Variants in NLGN1 observed in about 807,000 individuals in gnomAD.
The protein encoded by NLGN1 is neuroligin-1.
A neutral mutation model predicts 65.5 loss-of-function variants in NLGN1; 12 were observed. That is an observed-to-expected ratio of 0.18 (90% CI 0.12 to 0.30). The LOEUF (loss-of-function observed/expected upper bound fraction) is 0.30. NLGN1 is among the 10% of genes least tolerant of loss of function. The probability of loss-of-function intolerance (pLI) is 1.00; values close to 1 mark genes in which losing one functional copy is unlikely to be tolerated. For synonymous variants in NLGN1, 350 were observed against 359.5 expected (o/e 0.97, Z 0.30); for missense variants, 750 against 1,007.1 (o/e 0.74, Z 3.46).
intron 4 of NLGN1, among the ~76,000 whole-genome samples, chr3:173,990,638 T>C (rs1720895155): frequency 6.6e-6 from 1 of 152,158 alleles, no homozygotes; most frequent in Non-Finnish European, 1.5e-5. Flanking sequence ...TCCATAATTA[T>C]AATGGCAGTT....
intron 4 of NLGN1, among the ~76,000 whole-genome samples, chr3:173,834,111 A>G (rs772727355): frequency 2.6e-5 from 4 of 152,178 alleles, no homozygotes; most frequent in East Asian, 1.9e-4. Flanking sequence ...GGTAGGCCCA[A>G]TGTCATTCAT....
At chr3:173,802,371 T>C (rs76084525) in intron 3 of NLGN1, among the ~76,000 whole-genome samples, 4,546 of 152,250 alleles carry the variant, frequency 0.03, 161 homozygotes, top group East Asian at 0.18. Context: ...CAAGAGTTAT[T>C]GAATCAATAA....
Position 173,766,088 on chromosome 3 carries a change from C to CTT in NLGN1, c.494-41577_494-41576dup, listed in dbSNP as rs34830188. On this transcript the variant is annotated intron_variant, in intron 3 of 6. Transcript: ENST00000457714. ...TAGAATCTTCCTTATTATGTTTTGT[C>CTT]TTTTTTTTTTTTTTTTCTGAGACAG... 3.2e-3 allele frequency among the ~76,000 whole-genome samples: 437 copies of CTT among 135,852 alleles called. 8 individuals carry two copies. Among genetic ancestry groups the CTT allele is most frequent in the African/African-American group, 0.01 (390 of 37,180 alleles). The allele number at this position is 135,852 out of a possible 152,430, so 89.1% of individuals were successfully genotyped here. A position where few individuals can be genotyped will look rare whatever the true frequency, so the allele number is the denominator to read the frequency against.
intron 4 of NLGN1, among the ~76,000 whole-genome samples, chr3:174,238,920 C>A (rs776114480): frequency 9.2e-5 from 14 of 152,128 alleles, no homozygotes; most frequent in Admixed American, 7.2e-4. Flanking sequence ...GTCATCTACA[C>A]TGATTATATG....
intron 3 of NLGN1, among the ~76,000 whole-genome samples, chr3:173,667,891 A>G (rs1761934730): frequency 6.6e-6 from 1 of 152,152 alleles, no homozygotes; most frequent in Non-Finnish European, 1.5e-5. Context: ...TTGGTTTCCC[A>G]AAGTGCTGGG....
At position 173,893,007 on chromosome 3, in the gene NLGN1, G is replaced by A. The variant is rs1310669220; in HGVS notation, c.646+85175G>A. On this transcript the variant is annotated intron_variant, in intron 4 of 6. Transcript: ENST00000457714. ...CTGAGCCCTTGCCTCTTGTATACCT[G>A]CTAATTACATTAATATTTGAGCCAG... is the stretch of plus-strand genomic sequence containing the variant. Among the ~76,000 whole-genome samples the A allele has an allele frequency of 3.9e-5, 6 of 151,986 alleles. No homozygotes were observed. The South Asian group carries it at 1.0e-3, about 26-fold the overall frequency.
chr3:173,753,479 G>T (rs971589930), intron 3 of NLGN1, among the ~76,000 whole-genome samples: 4 of 152,028 alleles, frequency 2.6e-5, no homozygotes, highest in African/African-American at 9.7e-5. Flanking sequence ...AGCAAGTTAT[G>T]TTGGCTATAC....
At chr3:173,821,929 A>T (rs1198256674) in intron 4 of NLGN1, among the ~76,000 whole-genome samples, 2 of 152,194 alleles carry the variant, frequency 1.3e-5, no homozygotes, top group Non-Finnish European at 2.9e-5. Flanking sequence ...ATACATAATA[A>T]ATCAGGTTTA....
chr3:173,484,161 T>C (rs1727770029), intron 2 of NLGN1, among the ~76,000 whole-genome samples: 1 of 152,048 alleles, frequency 6.6e-6, no homozygotes, highest in African/African-American at 2.4e-5. Context: ...CTTAAACCTA[T>C]GTGTATTTAA....
chr3:173,453,049 C>T (rs539164146), intron 2 of NLGN1, among the ~76,000 whole-genome samples: 19 of 151,010 alleles, frequency 1.3e-4, no homozygotes, highest in African/African-American at 3.6e-4. Flanking sequence ...GCTGACTGAT[C>T]GGGGTGGTAG....
chr3:174,157,148 G>GA (rs543005999), intron 4 of NLGN1, among the ~76,000 whole-genome samples: 267 of 151,566 alleles, frequency 1.8e-3, no homozygotes, highest in African/African-American at 6.1e-3. Context: ...TGTGTTGGAG[G>GA]AAAAAACGGA....
chr3:174,029,622 A>G (rs1311744048), intron 4 of NLGN1, among the ~76,000 whole-genome samples: 1 of 151,772 alleles, frequency 6.6e-6, no homozygotes, highest in Non-Finnish European at 1.5e-5. Context: ...TGAGGATATG[A>G]GATTTTGGAG....
chr3:173,517,281 G>A (rs990990572), intron 2 of NLGN1, among the ~76,000 whole-genome samples: 21 of 152,030 alleles, frequency 1.4e-4, no homozygotes, highest in African/African-American at 4.8e-5. Context: ...AAGATGCATG[G>A]AGGAATTAGT....
chr3:173,830,810 C>A (rs1722393495), intron 4 of NLGN1, among the ~76,000 whole-genome samples: 1 of 152,124 alleles, frequency 6.6e-6, no homozygotes, highest in Non-Finnish European at 1.5e-5. Flanking sequence ...GTTAGTCAGT[C>A]AGAAAATGTT....
intron 4 of NLGN1, among the ~76,000 whole-genome samples, chr3:173,820,571 G>A (rs756371746): frequency 3.3e-4 from 50 of 152,262 alleles, no homozygotes; most frequent in Non-Finnish European, 6.0e-4. Flanking sequence ...CTATGCATAT[G>A]TACCTATGAT....
intron 4 of NLGN1, among the ~76,000 whole-genome samples, chr3:174,206,355 C>G (rs954226321): frequency 6.6e-6 from 1 of 152,162 alleles, no homozygotes; most frequent in African/African-American, 2.4e-5. Flanking sequence ...GTCAAGGAGG[C>G]AACATCAGGC....
At chr3:173,589,893 C>T (rs76092707) in intron 2 of NLGN1, among the ~76,000 whole-genome samples, 3,161 of 152,186 alleles carry the variant, frequency 0.021, 81 homozygotes, top group East Asian at 0.11. Flanking sequence ...TTTTAAAAAA[C>T]AGTCACAATG....
At chr3:173,593,075 A>T (rs1228585285) in intron 2 of NLGN1, among the ~76,000 whole-genome samples, 1 of 152,146 alleles carries the variant, frequency 6.6e-6, no homozygotes, top group East Asian at 1.9e-4. Context: ...TTAATTCTTC[A>T]GGAAGATCAT....
chr3:173,871,693 A>G (rs1731190651), intron 4 of NLGN1, among the ~76,000 whole-genome samples: 1 of 152,184 alleles, frequency 6.6e-6, no homozygotes, highest in Admixed American at 6.5e-5. Context: ...CACAGTCTTG[A>G]TGATACATCA....
Sources: allele counts gnomAD v4.1 joint callset (sites outside exome capture counted in the v4.1 genomes callset), GRCh38; gene constraint gnomAD v4.1.1; transcripts MANE v1.5; gene names NCBI Gene and HGNC (gene_info 2026-07-23, HGNC 2026-07-21).